The following KIF1A variants were observed in gnomAD, a reference collection of about 807,000 sequenced individuals.
KIF1A encodes kinesin family member 1A.
Under a neutral mutation model 227.3 loss-of-function variants are expected in KIF1A, and 46 were observed. The observed-to-expected ratio is 0.20, with a 90% CI of 0.16 to 0.26. The LOEUF (loss-of-function observed/expected upper bound fraction) is 0.26. Among genes scored for constraint, KIF1A ranks in the 10% least tolerant of loss-of-function variants. The probability of loss-of-function intolerance (pLI) is 1.00; values close to 1 mark genes in which losing one functional copy is unlikely to be tolerated. For missense variants in KIF1A, 1,683 were observed against 2,485.9 expected, an observed-to-expected ratio of 0.68 and a Z score of 6.87; for synonymous variants, 1,022 against 1,012.8, an observed-to-expected ratio of 1.01 and a Z score of -0.17.
chr2:240,755,615 C>T (rs1328387032), intron 27 of KIF1A, among the ~76,000 whole-genome samples: 1 of 152,248 alleles, frequency 6.6e-6, no homozygotes, highest in Non-Finnish European at 1.5e-5. Flanking sequence ...AAGCCCTTCA[C>T]AGACCACCCC....
intron 2 of KIF1A, among the ~76,000 whole-genome samples, chr2:240,796,548 C>T (rs2056419592): frequency 6.6e-6 from 1 of 152,234 alleles, no homozygotes; most frequent in Non-Finnish European, 1.5e-5. Context: ...ATCCTCATCT[C>T]TGGGTCTGCT....
intron 10 of KIF1A, among the ~76,000 whole-genome samples, chr2:240,780,566 A>G (rs2053525545): frequency 6.6e-6 from 1 of 151,552 alleles, no homozygotes; most frequent in South Asian, 2.1e-4. Context: ...ACATGATTCC[A>G]CGTAGCTCCC....
intron 17 of KIF1A, among the ~76,000 whole-genome samples, chr2:240,768,740 C>G (rs757423249): frequency 1.3e-5 from 2 of 152,196 alleles, no homozygotes; most frequent in Non-Finnish European, 2.9e-5. Flanking sequence ...AGACCTGACT[C>G]TAGCTGAGTT....
chr2:240,805,012 AAAGGG>A (rs1239240834), intron 1 of KIF1A, among the ~76,000 whole-genome samples: 6 of 145,792 alleles, frequency 4.1e-5, no homozygotes, highest in South Asian at 2.4e-4. Flanking sequence ...GAGAAGAAGG[AAAGGG>A]AAGGGAAGGG....
At position 240,726,359 on chromosome 2, in the gene KIF1A, C is replaced by T. The variant is rs1261479082; in HGVS notation, c.4122+467G>A. Among the ~76,000 whole-genome samples the T allele has an allele frequency of 2.6e-5, 4 of 152,146 alleles. No individual in the cohort carries two copies. Among genetic ancestry groups the T allele is most frequent in the African/African-American group, 9.7e-5 (4 of 41,428 alleles). On this transcript the variant is annotated intron_variant, in intron 39 of 48. Transcript: ENST00000498729. The surrounding 1 kb of genome is among the most constrained non-coding windows in gnomAD (Gnocchi z 5.2). ...GGTGCGGTGGCTCACACCTGTAATC[C>T]CAGCACTTTGGGAGGCTGAGGTGGG...
chr2:240,805,837 T>C (rs2057362423), intron 1 of KIF1A, among the ~76,000 whole-genome samples: 1 of 152,110 alleles, frequency 6.6e-6, no homozygotes, highest in African/African-American at 2.4e-5. Context: ...AACCCATATG[T>C]TTAGAAATTT....
intron 38 of KIF1A, chr2:240,734,796 G>C (rs566024857): frequency 7.8e-7 from 1 of 1,287,328 alleles, no homozygotes; most frequent in South Asian, 1.2e-5. Flanking sequence ...CAGCGCAGCG[G>C]GAGCGGGGTG....
chr2:240,769,145 G>A lies in KIF1A; in HGVS notation c.1485C>T (p.Phe495=). 4 of 1,610,092 alleles carry A rather than the reference G, an allele frequency of 2.5e-6. No individual in the cohort carries two copies. The East Asian group carries it at 6.7e-5, about 27-fold the overall frequency. The change falls in exon 17 of 49, where the codon TTC becomes TTT. Residue 495 remains phenylalanine (F), a synonymous_variant. Transcript: ENST00000498729. ...MREDGGTLGV[F]SPKKTPHLVN... ...AGATAGCTCCTACCTTTTTGGGAGA[G>A]AATACGCCCAAGGTGCCGCCATCCT...
rs1416814206 is a variant in KIF1A, at chr2:240,721,878, G to A, written c.4672C>T (p.Arg1558Cys). The A allele has an allele frequency of 6.2e-6, 10 of 1,604,802 alleles. No individual in the cohort carries two copies. Among genetic ancestry groups the A allele is most frequent in the East Asian group, 2.2e-5 (1 of 44,828 alleles). The change falls in exon 44 of 49, where the codon CGC (arginine) becomes TGC (cysteine). Residue 1558 changes from arginine to cysteine, a missense_variant. Physicochemically the swap from Arg to Cys is radical, Grantham distance 180 (BLOSUM62 -3). Transcript: ENST00000498729. Reference protein sequence around the residue: ...RQRELAVKCLRLLTHTFNREY... With the variant: ...RQRELAVKCLCLLTHTFNREY... The stretch of plus-strand genomic sequence containing the variant: ...CTGTTGAATGTGTGCGTGAGCAGGC[G>A]CAAGCACTGTGGACAGAGCACACGC...
chr2:240,779,255 C>T lies in KIF1A; in HGVS notation c.883-3329G>A, dbSNP rs111214567. On this transcript the variant is annotated intron_variant, in intron 10 of 48. Transcript: ENST00000498729. ...ACACTCAGTCCCTCACTCAGTTCCA[C>T]ACTCAGTTCCTCACTCACTTCCTCA... Among the ~76,000 whole-genome samples the T allele has an allele frequency of 6.3e-3, 815 of 128,474 alleles. 5 individuals are homozygous for T. Among genetic ancestry groups the T allele is most frequent in the Middle Eastern group, 0.02 (5 of 250 alleles). 84.3% of individuals were successfully genotyped at this position (128,474 alleles called of 152,430 possible). A position where few individuals can be genotyped will look rare whatever the true frequency, so the allele number is the denominator to read the frequency against.
At chr2:240,782,069 C>T (rs1382273426) in intron 10 of KIF1A, 12 of 985,308 alleles carry the variant, frequency 1.2e-5, no homozygotes, top group Non-Finnish European at 1.4e-5. Context: ...GTCCCTCGAA[C>T]GCTTTCACGG....
chr2:240,757,969 G>A lies in KIF1A; in HGVS notation c.2583-375C>T, dbSNP rs2050071483. Among the ~76,000 whole-genome samples the A allele has an allele frequency of 6.6e-6, 1 of 152,210 alleles. No individual in the cohort carries two copies. The highest frequency in any genetic ancestry group is 1.5e-5 in the Non-Finnish European group (1 of 68,032). ...TGCAGACCCCAGACTGGAGACCGGG[G>A]AAGGAGGCAGCCATTTGTAAGGCTC... On this transcript the variant is annotated intron_variant, in intron 26 of 48. Transcript: ENST00000498729. The surrounding 1 kb of genome is among the most constrained non-coding windows in gnomAD (Gnocchi z 6.2).
At position 240,767,247 on chromosome 2, in the gene KIF1A, C is replaced by T; in HGVS notation, c.1577+19G>A. ...CCAGGGCCTGGCCAGGCTGGAGTGG[C>T]TGCCAGGTCCCCTCTCACCTGGTGA... On this transcript the variant is annotated intron_variant, in intron 18 of 48. Transcript: ENST00000498729. The T allele has an allele frequency of 1.3e-6, 2 of 1,598,120 alleles. No individual in the cohort carries two copies. The highest frequency in any genetic ancestry group is 1.7e-6 in the Non-Finnish European group (2 of 1,167,084).
intron 10 of KIF1A, among the ~76,000 whole-genome samples, chr2:240,777,706 C>G (rs868574842): frequency 1.3e-5 from 2 of 152,214 alleles, no homozygotes; most frequent in East Asian, 1.9e-4. Context: ...AACACCCGCC[C>G]GCTGCTGCCA....
chr2:240,771,622 C>T (rs576969174), intron 14 of KIF1A, among the ~76,000 whole-genome samples: 91 of 152,320 alleles, frequency 6.0e-4, no homozygotes, highest in Non-Finnish European at 1.1e-3. Context: ...AGCAGCGCCC[C>T]GTGCAGACCC....
chr2:240,735,217 C>T (rs369934284), intron 38 of KIF1A, among the ~76,000 whole-genome samples: 5 of 152,320 alleles, frequency 3.3e-5, no homozygotes, highest in African/African-American at 7.2e-5. Flanking sequence ...CCACGCAACG[C>T]GCCTTCCTCC....
chr2:240,773,235 C>G lies in KIF1A; in HGVS notation c.1059G>C (p.Gln353His). The G allele has an allele frequency of 6.2e-7, 1 of 1,613,940 alleles. No individual in the cohort carries two copies. Among genetic ancestry groups the G allele is most frequent in the Non-Finnish European group, 8.5e-7 (1 of 1,179,848 alleles). The change falls in exon 13 of 49, where the codon CAG (glutamine) becomes CAC (histidine). Residue 353 changes from glutamine to histidine, a missense_variant. Gln to His is a conservative substitution (Grantham distance 24). This residue lies in a region of KIF1A where 15 missense variants were observed against 78.3 expected (regional missense o/e 0.19). Transcript: ENST00000498729. ...CATTGATGACAGCATTGCAGCGGAT[C>G]TGCTTGGCCCGGTCAGCATACCTGG... ...STLRYADRAKQIRCNAVINED... is the reference protein window; with the variant it reads ...STLRYADRAKHIRCNAVINED...
intron 23 of KIF1A, among the ~76,000 whole-genome samples, chr2:240,762,092 G>A (rs538232242): frequency 2.0e-5 from 3 of 152,310 alleles, no homozygotes; most frequent in South Asian, 4.1e-4. Context: ...GCTTTGCTGT[G>A]GGAGGGAGCT....
At chr2:240,759,525 C>G (rs1178076287) in intron 25 of KIF1A, among the ~76,000 whole-genome samples, 1 of 152,200 alleles carries the variant, frequency 6.6e-6, no homozygotes, top group Non-Finnish European at 1.5e-5. Flanking sequence ...CCTGCTCTGC[C>G]TGGCCTTTCC....
Sources: gnomAD v4.1 joint callset for allele counts (sites outside exome capture counted in the v4.1 genomes callset) on GRCh38, gnomAD v4.1.1 for gene constraint, gnomAD v4.1.1 regional missense constraint, Gnocchi (gnomAD v3.1) non-coding constraint, MANE v1.5 for transcripts, NCBI Gene and HGNC (gene_info 2026-07-23, HGNC 2026-07-21) for gene names.